STAT4: variants seen among roughly 807,000 people sequenced by gnomAD.
STAT4 encodes signal transducer and activator of transcription 4.
STAT4 carries 42 observed loss-of-function variants against 110.5 expected under a neutral mutation model. The observed-to-expected ratio is 0.38, with a 90% CI of 0.30 to 0.49. The LOEUF (loss-of-function observed/expected upper bound fraction) is 0.49, where lower values mean the gene tolerates loss of function less well. STAT4 is among the 20% of genes least tolerant of loss of function. The pLI is 0.95. For synonymous variants in STAT4, 284 were observed against 302.2 expected, an observed-to-expected ratio of 0.94 and a Z score of 0.63; for missense variants, 632 against 887.9, an observed-to-expected ratio of 0.71 and a Z score of 3.66.
At position 191,060,286 on chromosome 2, in the gene STAT4, G is replaced by C. The variant is rs1010097594; in HGVS notation, c.1034+1443C>G. On this transcript the variant is annotated intron_variant, in intron 10 of 23. Transcript: ENST00000392320. This position sits in a 1 kb window ranked among gnomAD's most constrained non-coding sequence, Gnocchi z 4.5. ...CTTAGACTTACTATATCATCTATAG[G>C]AGTGTCTCAAGGAAAAGTAGAATGT... 6.6e-6 allele frequency among the ~76,000 whole-genome samples: 1 copy of C among 152,154 alleles called. No homozygotes were observed. The highest frequency in any genetic ancestry group is 1.5e-5 in the Non-Finnish European group (1 of 68,030).
At chr2:191,085,768 A>G (rs1381758376) in intron 3 of STAT4, among the ~76,000 whole-genome samples, 2 of 152,150 alleles carry the variant, frequency 1.3e-5, no homozygotes, top group Non-Finnish European at 2.9e-5. Flanking sequence ...TCTCAGGGAG[A>G]GCTGATGTGT....
chr2:191,095,073 AC>A (rs1478105020), intron 3 of STAT4, among the ~76,000 whole-genome samples: 1 of 152,182 alleles, frequency 6.6e-6, no homozygotes, highest in Non-Finnish European at 1.5e-5. Context: ...ACATATATGC[AC>A]CCAATATAGG....
At chr2:191,049,128 C>T (rs1364455263) in intron 14 of STAT4, among the ~76,000 whole-genome samples, 1 of 147,934 alleles carries the variant, frequency 6.8e-6, no homozygotes, top group East Asian at 2.0e-4. Context: ...TCTAATAATA[C>T]ACCTTAGAAA....
rs1698212524 is a variant in STAT4 at position 191,104,034 on chromosome 2, G to T, written c.274-27709C>A. On this transcript the variant is annotated intron_variant, in intron 3 of 23. Coordinates refer to ENST00000392320, the MANE Select transcript of STAT4 (RefSeq NM_003151.4). The surrounding 1 kb of genome is among the most constrained non-coding windows in gnomAD (Gnocchi z 4.3). ...AGTAATAGGTTGCTAAGTGTTCTAG[G>T]TATCAAGGCCTTTGTGATAGCTTTT... is the stretch of plus-strand genomic sequence containing the variant. Among the ~76,000 whole-genome samples the T allele has an allele frequency of 6.6e-6, 1 of 152,042 alleles. No homozygotes were observed. Among genetic ancestry groups the T allele is most frequent in the South Asian group, 2.1e-4 (1 of 4,824 alleles).
chr2:191,095,144 A>C (rs777257401), intron 3 of STAT4, among the ~76,000 whole-genome samples: 1 of 152,036 alleles, frequency 6.6e-6, no homozygotes, highest in African/African-American at 2.4e-5. Flanking sequence ...CTCCCACACA[A>C]TAATAACTTT....
chr2:191,065,373 T>C (rs1696960258), intron 7 of STAT4, among the ~76,000 whole-genome samples: 1 of 152,176 alleles, frequency 6.6e-6, no homozygotes. Context: ...TAATTTTTCT[T>C]AGGACTTTTT....
intron 3 of STAT4, among the ~76,000 whole-genome samples, chr2:191,106,647 A>AAAAATAAAAT (rs199803507): frequency 0.15 from 19,533 of 127,070 alleles, 1,610 homozygotes; most frequent in South Asian, 0.18. Flanking sequence ...ACTCCATCTC[A>AAAAATAAAAT]AAAATAAAAT....
intron 3 of STAT4, among the ~76,000 whole-genome samples, chr2:191,105,741 CAAA>C (rs1300889228): frequency 6.6e-6 from 1 of 152,156 alleles, no homozygotes; most frequent in African/African-American, 2.4e-5. Context: ...CATTAGTCTT[CAAA>C]AACACAATGC....
chr2:191,043,468 G>A lies in STAT4; in HGVS notation c.1252-2320C>T, dbSNP rs1696262932. ...ATTGTAATTCTTATATACCACTTAT[G>A]CAATTGTTACAATCACTTTGGAGAA... On this transcript the variant is annotated intron_variant, in intron 14 of 23. Coordinates refer to ENST00000392320, the MANE Select transcript of STAT4 (RefSeq NM_003151.4). This position sits in a 1 kb window ranked among gnomAD's most constrained non-coding sequence, Gnocchi z 4.8. Among the ~76,000 whole-genome samples the A allele has an allele frequency of 6.6e-6, 1 of 152,124 alleles. No homozygotes were observed. Among genetic ancestry groups the A allele is most frequent in the Admixed American group, 6.6e-5 (1 of 15,250 alleles).
intron 5 of STAT4, among the ~76,000 whole-genome samples, chr2:191,071,863 G>A (rs1442802866): frequency 1.3e-5 from 2 of 152,194 alleles, no homozygotes; most frequent in African/African-American, 4.8e-5. Context: ...GGAAAAGGAA[G>A]GGGATGGAGC....
At position 191,033,220 on chromosome 2, in the gene STAT4, C is replaced by A. The variant is rs1006593176; in HGVS notation, c.1853-71G>T. ...TCCTTGTGACCATTTCTTCCCTGCC[C>A]ACATTATCTTCATGCCACTGGAGTG... On this transcript the variant is annotated intron_variant, in intron 20 of 23. Transcript: ENST00000392320. This position sits in a 1 kb window ranked among gnomAD's most constrained non-coding sequence, Gnocchi z 6.9. 4.1e-6 allele frequency: 6 copies of A among 1,474,658 alleles called. No homozygotes were observed. Among genetic ancestry groups the A allele is most frequent in the Non-Finnish European group, 5.5e-6 (6 of 1,085,136 alleles). 91.3% of individuals were successfully genotyped at this position (1,474,658 alleles called of 1,614,324 possible).
chr2:191,105,121 A>G (rs573590805), intron 3 of STAT4, among the ~76,000 whole-genome samples: 18 of 152,336 alleles, frequency 1.2e-4, no homozygotes, highest in African/African-American at 4.3e-4. Flanking sequence ...TAACACTGTG[A>G]TAGATAACTA....
intron 8 of STAT4, among the ~76,000 whole-genome samples, chr2:191,063,472 G>T (rs1481380317): frequency 6.6e-6 from 1 of 152,124 alleles, no homozygotes; most frequent in Non-Finnish European, 1.5e-5. Context: ...TCTGATAACT[G>T]CTTGGAATTT....
intron 3 of STAT4, among the ~76,000 whole-genome samples, chr2:191,100,982 C>A (rs962344858): frequency 2.0e-5 from 3 of 151,928 alleles, no homozygotes; most frequent in Admixed American, 2.0e-4. Flanking sequence ...CTGTCATTAA[C>A]TATGACATTT....
At position 191,060,011 on chromosome 2, in the gene STAT4, G is replaced by A. The variant is rs2125225019; in HGVS notation, c.1035-1242C>T. Among the ~76,000 whole-genome samples, 1 of 152,302 alleles carries A rather than the reference G, an allele frequency of 6.6e-6. No homozygotes were observed. The highest frequency in any genetic ancestry group is 2.1e-4 in the South Asian group (1 of 4,832). On this transcript the variant is annotated intron_variant, in intron 10 of 23. Transcript: ENST00000392320. This position sits in a 1 kb window ranked among gnomAD's most constrained non-coding sequence, Gnocchi z 4.5. ...CAGGAGGATGCAAAAGTATGGCAAA[G>A]AGGGGTTTTAGGAAAACCTTGAGTA...
At position 191,077,464 on chromosome 2, in the gene STAT4, A is replaced by G. The variant is rs73981261; in HGVS notation, c.274-1139T>C. Among the ~76,000 whole-genome samples, 673 of 152,330 alleles carry G rather than the reference A, an allele frequency of 4.4e-3. 7 individuals are homozygous for G. The highest frequency in any genetic ancestry group is 0.015 in the African/African-American group (633 of 41,588). ...AACAGGAAGCACAGTAGAAAAATGC[A>G]TTTATTTAGTTTCCCTCAGCCCTCC... On this transcript the variant is annotated intron_variant, in intron 3 of 23. Coordinates refer to ENST00000392320, the MANE Select transcript of STAT4 (RefSeq NM_003151.4). The surrounding 1 kb of genome is among the most constrained non-coding windows in gnomAD (Gnocchi z 4.1).
At chr2:191,102,555 C>T (rs1698173889) in intron 3 of STAT4, among the ~76,000 whole-genome samples, 1 of 152,116 alleles carries the variant, frequency 6.6e-6, no homozygotes, top group African/African-American at 2.4e-5. Context: ...ATAGAATGAG[C>T]TCTGCTTTAT....
At chr2:191,149,278 C>T (rs1025949224) in intron 1 of STAT4, among the ~76,000 whole-genome samples, 3 of 152,136 alleles carry the variant, frequency 2.0e-5, no homozygotes, top group Non-Finnish European at 4.4e-5. Flanking sequence ...ATTTCATATA[C>T]ATATTCTTTG....
chr2:191,069,663 T>C lies in STAT4; in HGVS notation c.544+30A>G, dbSNP rs761545649. On this transcript the variant is annotated intron_variant, in intron 6 of 23. Coordinates refer to ENST00000392320, the MANE Select transcript of STAT4 (RefSeq NM_003151.4). ...TACTCAAGATGCCTTTTTGTCTCTA[T>C]GCATAATTATAGAAAAAACAAAAAC... 28 of 1,550,414 alleles carry C rather than the reference T, an allele frequency of 1.8e-5. 1 individual carries two copies. The highest frequency in any genetic ancestry group is 1.3e-4 in the South Asian group (11 of 87,524).
Sources: gnomAD v4.1 joint callset for allele counts (sites outside exome capture counted in the v4.1 genomes callset) on GRCh38, gnomAD v4.1.1 for gene constraint, Gnocchi (gnomAD v3.1) non-coding constraint, MANE v1.5 for transcripts, NCBI Gene and HGNC (gene_info 2026-07-23, HGNC 2026-07-21) for gene names.